MALRD1: variants seen among roughly 807,000 people sequenced by gnomAD.
The protein encoded by MALRD1 is MAM and LDL-receptor class A domain-containing protein 1.
In MALRD1, 247 loss-of-function variants were observed where a neutral mutation model predicts 242.1. The observed-to-expected ratio is 1.02, with a 90% CI of 0.92 to 1.13. MALRD1 has a LOEUF of 1.13. Among genes scored for constraint, MALRD1 ranks in the 50% most tolerant of loss-of-function variants. MALRD1 has a pLI of 0.00. For missense variants in MALRD1, 2,989 were observed against 2,533.1 expected (o/e 1.18, Z -3.86); for synonymous variants, 995 against 866.6 (o/e 1.15, Z -2.60).
At chr10:19,266,563 A>C (rs909507294) in intron 19 of MALRD1, among the ~76,000 whole-genome samples, 11 of 151,916 alleles carry the variant, frequency 7.2e-5, no homozygotes, top group African/African-American at 2.6e-4. Flanking sequence ...ATAATATTTA[A>C]AAATAATTCT....
chr10:19,570,444 G>C (rs963692642), intron 33 of MALRD1, among the ~76,000 whole-genome samples: 71 of 152,150 alleles, frequency 4.7e-4, no homozygotes, highest in African/African-American at 1.6e-3. Context: ...ATCTACTATA[G>C]AGGGGAATGT....
chr10:19,719,258 ATG>A (rs1554830437), intron 38 of MALRD1, among the ~76,000 whole-genome samples: 3 of 133,366 alleles, frequency 2.2e-5, no homozygotes, highest in African/African-American at 8.5e-5. Context: ...ATATATATAT[ATG>A]CTATCAAATA....
intron 11 of MALRD1, among the ~76,000 whole-genome samples, chr10:19,148,884 T>A (rs1336180430): frequency 6.6e-6 from 1 of 150,440 alleles, no homozygotes. Context: ...GTAGTGGTTT[T>A]AAATTGCAAG....
chr10:19,347,897 A>T lies in MALRD1; in HGVS notation c.4028A>T (p.Asp1343Val), dbSNP rs752253082. The change falls in exon 25 of 40, where the codon GAT (aspartate) becomes GTT (valine). Residue 1343 changes from aspartate to valine, a missense_variant. Transcript: ENST00000454679. ...IPAAGTEPAA[D>V]HTLGNSSGHY... Reference sequence around the variant, plus strand: ...GCAGCAGGCACAGAGCCAGCAGCAGATCACACTTTGGGAAATTCATCTGGT... The same window carrying T: ...GCAGCAGGCACAGAGCCAGCAGCAGTTCACACTTTGGGAAATTCATCTGGT... The T allele has an allele frequency of 2.1e-4, 322 of 1,550,308 alleles. 1 individual carries two copies. Among genetic ancestry groups the T allele is most frequent in the Middle Eastern group, 8.3e-4 (5 of 6,012 alleles).
intron 21 of MALRD1, among the ~76,000 whole-genome samples, chr10:19,298,549 C>A (rs1363936452): frequency 6.6e-6 from 1 of 151,824 alleles, no homozygotes. Flanking sequence ...GAGAGAGAGA[C>A]TATAGGAAAT....
intron 31 of MALRD1, among the ~76,000 whole-genome samples, chr10:19,503,697 C>T (rs1838075883): frequency 6.6e-6 from 1 of 152,202 alleles, no homozygotes; most frequent in Non-Finnish European, 1.5e-5. Flanking sequence ...ACTATCAACT[C>T]CAGTAAGACA....
At chr10:19,047,050 G>A (rs1034065478), upstream of MALRD1, among the ~76,000 whole-genome samples, 1 of 152,126 alleles carries the variant, frequency 6.6e-6, no homozygotes, top group Non-Finnish European at 1.5e-5. Context: ...AAATAGATAG[G>A]AGTGGATTTG....
At chr10:19,648,503 A>G (rs1297601275) in intron 36 of MALRD1, among the ~76,000 whole-genome samples, 1 of 152,172 alleles carries the variant, frequency 6.6e-6, no homozygotes, top group African/African-American at 2.4e-5. Flanking sequence ...TGCTTTCACA[A>G]GTTTCAAGAT....
At chr10:19,054,281 A>G (rs889118847) in intron 1 of MALRD1, among the ~76,000 whole-genome samples, 18 of 152,252 alleles carry the variant, frequency 1.2e-4, no homozygotes, top group African/African-American at 4.3e-4. Flanking sequence ...ATAATTGTAT[A>G]CAATTATGGG....
At chr10:19,251,534 T>G (rs1196615116) in intron 18 of MALRD1, among the ~76,000 whole-genome samples, 1 of 151,914 alleles carries the variant, frequency 6.6e-6, no homozygotes, top group African/African-American at 2.4e-5. Context: ...GGCTGTTGCT[T>G]TTTCCTGTCT....
chr10:19,147,640 C>T (rs575238671), intron 11 of MALRD1, among the ~76,000 whole-genome samples: 2 of 152,242 alleles, frequency 1.3e-5, no homozygotes, highest in African/African-American at 4.8e-5. Flanking sequence ...ATGGATGCCA[C>T]GATCCCTGCC....
intron 33 of MALRD1, among the ~76,000 whole-genome samples, chr10:19,581,446 A>T (rs1360823259): frequency 4.1e-5 from 6 of 146,716 alleles, no homozygotes; most frequent in African/African-American, 1.5e-4. Context: ...TTCAATTCCC[A>T]CCTATGAATG....
intron 31 of MALRD1, among the ~76,000 whole-genome samples, chr10:19,503,170 A>T (rs1157093933): frequency 6.6e-6 from 1 of 152,218 alleles, no homozygotes; most frequent in Non-Finnish European, 1.5e-5. Flanking sequence ...ATCATTCTTG[A>T]TACACTAATA....
chr10:19,646,075 G>T (rs1840643771), intron 36 of MALRD1, among the ~76,000 whole-genome samples: 1 of 152,106 alleles, frequency 6.6e-6, no homozygotes, highest in African/African-American at 2.4e-5. Flanking sequence ...CATGGATAAA[G>T]TTTTTTCAAA....
intron 29 of MALRD1, among the ~76,000 whole-genome samples, chr10:19,472,109 C>T (rs1836526042): frequency 6.6e-6 from 1 of 151,944 alleles, no homozygotes; most frequent in Non-Finnish European, 1.5e-5. Context: ...CAAGTTTCAT[C>T]ATAAGATGTT....
intron 20 of MALRD1, among the ~76,000 whole-genome samples, chr10:19,281,046 G>A (rs2131880894): frequency 6.6e-6 from 1 of 152,196 alleles, no homozygotes; most frequent in Non-Finnish European, 1.5e-5. Flanking sequence ...AGAAATTCTA[G>A]GACTTAAGAA....
intron 38 of MALRD1, among the ~76,000 whole-genome samples, chr10:19,715,173 A>C (rs1167384581): frequency 6.6e-6 from 1 of 152,034 alleles, no homozygotes; most frequent in Non-Finnish European, 1.5e-5. Context: ...CCCTATACTG[A>C]CCATTCTCAA....
chr10:19,329,889 A>C (rs1843291963), intron 23 of MALRD1, among the ~76,000 whole-genome samples: 1 of 152,208 alleles, frequency 6.6e-6, no homozygotes, highest in Admixed American at 6.6e-5. Context: ...TATTTGAACA[A>C]GGCAAGTATC....
intron 28 of MALRD1, 118 bp from the exon 29 acceptor site, chr10:19,450,189 G>T: frequency 2.3e-6 from 2 of 882,646 alleles, no homozygotes; most frequent in South Asian, 2.0e-5. Context: ...GTGCTTCTTT[G>T]TTTTTTCAGT....
Sources: allele counts gnomAD v4.1 joint callset (sites outside exome capture counted in the v4.1 genomes callset), GRCh38; gene constraint gnomAD v4.1.1; transcripts MANE v1.5; gene names NCBI Gene and HGNC (gene_info 2026-07-23, HGNC 2026-07-21).